Variants in ASIC2 observed in about 807,000 individuals in gnomAD.
The protein encoded by ASIC2 is acid sensing ion channel subunit 2.
ASIC2 carries 25 observed loss-of-function variants against 57.3 expected under a neutral mutation model. That is an observed-to-expected ratio of 0.44 (90% CI 0.32 to 0.61). The LOEUF is 0.61. ASIC2 is among the 20% of genes least tolerant of loss of function. ASIC2 has a pLI of 0.06. For synonymous variants in ASIC2, 319 were observed against 307.5 expected, an observed-to-expected ratio of 1.04 and a Z score of -0.39; for missense variants, 641 against 738.1, an observed-to-expected ratio of 0.87 and a Z score of 1.52.
At chr17:33,632,290 CAAT>C (rs1056895742) in intron 1 of ASIC2, among the ~76,000 whole-genome samples, 4 of 152,078 alleles carry the variant, frequency 2.6e-5, no homozygotes, top group African/African-American at 9.7e-5. Context: ...AATTTACCTG[CAAT>C]AATAATATGA....
intron 1 of ASIC2, among the ~76,000 whole-genome samples, chr17:33,600,912 T>C (rs532329171): frequency 9.0e-4 from 137 of 152,314 alleles, no homozygotes; most frequent in African/African-American, 3.2e-3. Context: ...CCATCCCTTT[T>C]ATATAGTTGC....
chr17:33,451,132 C>T (rs937890266), intron 1 of ASIC2, among the ~76,000 whole-genome samples: 4 of 151,900 alleles, frequency 2.6e-5, no homozygotes, highest in Admixed American at 2.6e-4. Context: ...TCTCAGCTCA[C>T]TGCAACCTCT....
intron 1 of ASIC2, among the ~76,000 whole-genome samples, chr17:33,445,632 T>A: frequency 6.6e-6 from 1 of 151,634 alleles, no homozygotes; most frequent in Non-Finnish European, 1.5e-5. Context: ...ACCCCATCTC[T>A]ACTAAAAATA....
At chr17:33,990,832 C>T (rs1431960917) in intron 1 of ASIC2, among the ~76,000 whole-genome samples, 1 of 152,102 alleles carries the variant, frequency 6.6e-6, no homozygotes, top group African/African-American at 2.4e-5. Context: ...AACATCTCTC[C>T]CACAGCATTA....
chr17:33,265,005 C>T (rs752259505), intron 1 of ASIC2, among the ~76,000 whole-genome samples: 7 of 152,252 alleles, frequency 4.6e-5, no homozygotes, highest in African/African-American at 7.2e-5. Flanking sequence ...GCTGTGGCCA[C>T]CTTCACTGGA....
intron 1 of ASIC2, among the ~76,000 whole-genome samples, chr17:33,307,898 G>A (rs1362565968): frequency 6.6e-6 from 1 of 152,194 alleles, no homozygotes; most frequent in Non-Finnish European, 1.5e-5. Flanking sequence ...ATAATAAATG[G>A]TGGTTGTTAA....
At chr17:33,462,634 C>A (rs915100626) in intron 1 of ASIC2, among the ~76,000 whole-genome samples, 1 of 152,204 alleles carries the variant, frequency 6.6e-6, no homozygotes, top group Non-Finnish European at 1.5e-5. Context: ...AGCTGACCAC[C>A]TTCAGGCTCA....
chr17:33,054,997 C>G (rs933496481), intron 3 of ASIC2, among the ~76,000 whole-genome samples: 7 of 152,224 alleles, frequency 4.6e-5, no homozygotes, highest in Admixed American at 3.3e-4. Flanking sequence ...CTCCCCTCCA[C>G]TCAGCCCATG....
intron 1 of ASIC2, among the ~76,000 whole-genome samples, chr17:33,280,697 G>T (rs1210190637): frequency 6.6e-6 from 1 of 152,154 alleles, no homozygotes; most frequent in Non-Finnish European, 1.5e-5. Flanking sequence ...TAAAATAAAT[G>T]GTAATAAAGT....
chr17:33,067,500 C>T (rs1156577058), intron 3 of ASIC2, among the ~76,000 whole-genome samples: 1 of 152,180 alleles, frequency 6.6e-6, no homozygotes, highest in Non-Finnish European at 1.5e-5. Context: ...CTGCAGGGCA[C>T]ACTGAGTAGC....
intron 1 of ASIC2, among the ~76,000 whole-genome samples, chr17:33,290,157 A>C (rs191970133): frequency 1.2e-4 from 18 of 152,372 alleles, no homozygotes; most frequent in African/African-American, 4.1e-4. Context: ...AGCCAGCAGG[A>C]CAAGATTGAA....
At chr17:33,112,300 G>T in intron 1 of ASIC2, 1 of 536,382 alleles carries the variant, frequency 1.9e-6, no homozygotes. Context: ...TGTTGCAGTA[G>T]GATCTGGTCT....
At chr17:33,929,424 A>G (rs1915886215) in intron 1 of ASIC2, among the ~76,000 whole-genome samples, 1 of 152,206 alleles carries the variant, frequency 6.6e-6, no homozygotes, top group Non-Finnish European at 1.5e-5. Context: ...TCATTTAGGT[A>G]ATTTTCTACA....
intron 1 of ASIC2, among the ~76,000 whole-genome samples, chr17:33,422,971 A>G (rs1911097165): frequency 6.6e-6 from 1 of 152,168 alleles, no homozygotes; most frequent in South Asian, 2.1e-4. Flanking sequence ...AGAGGTCATT[A>G]GAGTGCCGCA....
chr17:33,457,190 G>A (rs1417094350), intron 1 of ASIC2, among the ~76,000 whole-genome samples: 1 of 151,714 alleles, frequency 6.6e-6, no homozygotes, highest in African/African-American at 2.4e-5. Flanking sequence ...GCTATTTTTA[G>A]GTGTTCAATA....
intron 1 of ASIC2, among the ~76,000 whole-genome samples, chr17:33,523,403 C>T (rs1480161439): frequency 6.6e-6 from 1 of 152,094 alleles, no homozygotes; most frequent in African/African-American, 2.4e-5. Flanking sequence ...ATTACAGGCA[C>T]CTACCACCAC....
chr17:33,762,236 A>C (rs1414156121), intron 1 of ASIC2, among the ~76,000 whole-genome samples: 3 of 152,140 alleles, frequency 2.0e-5, no homozygotes, highest in African/African-American at 7.2e-5. Flanking sequence ...GGGGGCAACC[A>C]CCACATTGGG....
intron 1 of ASIC2, among the ~76,000 whole-genome samples, chr17:33,974,233 G>A (rs1203148826): frequency 6.6e-6 from 1 of 152,002 alleles, no homozygotes; most frequent in Non-Finnish European, 1.5e-5. Flanking sequence ...CCCCTTTCCT[G>A]AATAGGTGAC....
intron 1 of ASIC2, among the ~76,000 whole-genome samples, chr17:33,670,470 A>G (rs1907607260): frequency 6.6e-6 from 1 of 152,226 alleles, no homozygotes; most frequent in Admixed American, 6.5e-5. Flanking sequence ...CTACAAAAAC[A>G]AACAAACAAA....
Sources: allele counts gnomAD v4.1 joint callset (sites outside exome capture counted in the v4.1 genomes callset), GRCh38; gene constraint gnomAD v4.1.1; transcripts MANE v1.5; gene names NCBI Gene and HGNC (gene_info 2026-07-23, HGNC 2026-07-21).